KIAA1217: variants seen among roughly 807,000 people sequenced by gnomAD.
The protein encoded by KIAA1217 is KIAA1217.
Under a neutral mutation model 163.9 loss-of-function variants are expected in KIAA1217, and 88 were observed. The ratio of observed to expected loss-of-function variants is 0.54; its 90% CI spans 0.45 to 0.64. The LOEUF (loss-of-function observed/expected upper bound fraction) is 0.64. Ranked by LOEUF, KIAA1217 falls within the 30% of genes least tolerant of loss-of-function variation. KIAA1217 has a pLI of 0.00. For synonymous variants in KIAA1217, 903 were observed against 923.1 expected (o/e 0.98, Z 0.39); for missense variants, 2,372 against 2,475.0 (o/e 0.96, Z 0.88).
intron 2 of KIAA1217, among the ~76,000 whole-genome samples, chr10:24,230,502 G>GTTTTTT (rs71397936): frequency 0.052 from 4,630 of 89,738 alleles, 26 homozygotes; most frequent in Non-Finnish European, 0.06. Flanking sequence ...TATTTGTTTT[G>GTTTTTT]TTTTTTTTTT....
chr10:24,526,283 C>T (rs79767837), intron 13 of KIAA1217, among the ~76,000 whole-genome samples: 6,702 of 152,084 alleles, frequency 0.044, 477 homozygotes, highest in African/African-American at 0.15. Flanking sequence ...TTCTCTGTGT[C>T]GCAAGGGCCC....
At chr10:24,053,764 A>G (rs1278657643) in intron 2 of KIAA1217, among the ~76,000 whole-genome samples, 3 of 152,226 alleles carry the variant, frequency 2.0e-5, no homozygotes, top group Non-Finnish European at 4.4e-5. Flanking sequence ...AGAAATAACC[A>G]GGTTATCTGG....
At chr10:23,858,570 G>GA (rs998447505) in intron 1 of KIAA1217, among the ~76,000 whole-genome samples, 2 of 151,302 alleles carry the variant, frequency 1.3e-5, no homozygotes, top group East Asian at 1.9e-4. Context: ...CTTGCTTTTT[G>GA]AAAAAAACAA....
chr10:24,363,812 T>G (rs992073205), intron 2 of KIAA1217, among the ~76,000 whole-genome samples: 7 of 152,190 alleles, frequency 4.6e-5, no homozygotes, highest in African/African-American at 1.7e-4. Flanking sequence ...CCTCAAGCAC[T>G]CAGCCCACCT....
At chr10:24,118,971 C>A (rs2063172367) in intron 2 of KIAA1217, among the ~76,000 whole-genome samples, 1 of 151,880 alleles carries the variant, frequency 6.6e-6, no homozygotes, top group Non-Finnish European at 1.5e-5. Context: ...TTCCTAACCC[C>A]CTAGTCAGCC....
chr10:24,278,854 C>CTTTTTTTTTTTTTTTTTTTTTTTTTTTTT (rs11288814), intron 2 of KIAA1217, among the ~76,000 whole-genome samples: 1 of 140,844 alleles, frequency 7.1e-6, no homozygotes, highest in Non-Finnish European at 1.5e-5. Context: ...ACTCAGATTA[C>CTTTTTTTTTTTTTTTTTTTTTTTTTTTTT]TTTTTTTTTT....
intron 5 of KIAA1217, among the ~76,000 whole-genome samples, chr10:24,448,625 G>T (rs1592029761): frequency 6.6e-6 from 1 of 152,114 alleles, no homozygotes; most frequent in Non-Finnish European, 1.5e-5. Flanking sequence ...TAGGCTCCAG[G>T]GATCCTCCCT....
intron 2 of KIAA1217, among the ~76,000 whole-genome samples, chr10:24,361,061 A>G (rs1451755809): frequency 6.6e-6 from 1 of 152,212 alleles, no homozygotes; most frequent in African/African-American, 2.4e-5. Context: ...TTACAATCCC[A>G]TGACCCACAT....
chr10:23,930,243 G>A (rs1384564550), intron 1 of KIAA1217, among the ~76,000 whole-genome samples: 2 of 151,408 alleles, frequency 1.3e-5, no homozygotes, highest in Admixed American at 6.6e-5. Flanking sequence ...GTTATTTGGT[G>A]CTTTTCTTAT....
chr10:24,375,010 T>G (rs1458577472), intron 2 of KIAA1217, among the ~76,000 whole-genome samples: 1 of 152,148 alleles, frequency 6.6e-6, no homozygotes, highest in African/African-American at 2.4e-5. Flanking sequence ...GGTCTTGAAC[T>G]CCTGGGCTCA....
chr10:23,999,533 G>C (rs562361261), intron 1 of KIAA1217, among the ~76,000 whole-genome samples: 1 of 152,236 alleles, frequency 6.6e-6, no homozygotes, highest in East Asian at 1.9e-4. Context: ...TCACCTACCT[G>C]GACACTGGTG....
At chr10:23,954,679 G>C (rs1465084362) in intron 1 of KIAA1217, among the ~76,000 whole-genome samples, 1 of 152,078 alleles carries the variant, frequency 6.6e-6, no homozygotes, top group African/African-American at 2.4e-5. Flanking sequence ...AAAAAGGAAA[G>C]TGAAACTAAC....
At chr10:24,005,917 C>G (rs920516982) in intron 1 of KIAA1217, among the ~76,000 whole-genome samples, 1 of 152,092 alleles carries the variant, frequency 6.6e-6, no homozygotes, top group African/African-American at 2.4e-5. Flanking sequence ...AGAGCTGGGA[C>G]CCTATCCTCT....
At chr10:24,378,590 A>G (rs1169789298) in intron 2 of KIAA1217, among the ~76,000 whole-genome samples, 1 of 151,498 alleles carries the variant, frequency 6.6e-6, no homozygotes, top group Non-Finnish European at 1.5e-5. Flanking sequence ...TCTCTGGTCC[A>G]CTTTTACCCA....
intron 1 of KIAA1217, among the ~76,000 whole-genome samples, chr10:23,912,346 A>G (rs1842468638): frequency 6.8e-6 from 1 of 147,066 alleles, no homozygotes; most frequent in South Asian, 2.1e-4. Flanking sequence ...TTTTTTTAGA[A>G]CTTTTTTTTT....
chr10:24,058,701 T>C (rs892957204), intron 2 of KIAA1217, among the ~76,000 whole-genome samples: 2 of 152,190 alleles, frequency 1.3e-5, no homozygotes, highest in African/African-American at 4.8e-5. Flanking sequence ...TGTTAGTGTA[T>C]AGAAACACAA....
At chr10:23,934,623 A>ATTTTTTTT (rs1475453455) in intron 1 of KIAA1217, among the ~76,000 whole-genome samples, 12 of 61,434 alleles carry the variant, frequency 2.0e-4, no homozygotes, top group East Asian at 2.8e-4. Flanking sequence ...ATATATATAT[A>ATTTTTTTT]TATTTTTTTT....
intron 1 of KIAA1217, among the ~76,000 whole-genome samples, chr10:23,831,334 G>T (rs1248970596): frequency 1.3e-5 from 2 of 150,762 alleles, no homozygotes; most frequent in Admixed American, 6.6e-5. Context: ...CAAACAAAAA[G>T]AGTAAAAAGA....
At chr10:24,490,131 C>A (rs2065928541) in intron 6 of KIAA1217, among the ~76,000 whole-genome samples, 1 of 152,058 alleles carries the variant, frequency 6.6e-6, no homozygotes, top group Admixed American at 6.5e-5. Flanking sequence ...TGAGAAGACT[C>A]ATTCAGACAG....
Sources: allele counts gnomAD v4.1 joint callset (sites outside exome capture counted in the v4.1 genomes callset), GRCh38; gene constraint gnomAD v4.1.1; transcripts MANE v1.5; gene names NCBI Gene and HGNC (gene_info 2026-07-23, HGNC 2026-07-21).